The following SLC31A2 variants were observed in gnomAD, a reference collection of about 807,000 sequenced individuals.
SLC31A2 encodes the protein solute carrier family 31 member 2, also known as protein SLC31A2.
Under a neutral mutation model 14.4 loss-of-function variants are expected in SLC31A2, and 16 were observed. The ratio of observed to expected loss-of-function variants is 1.11; its 90% CI spans 0.75 to 1.69. The LOEUF (loss-of-function observed/expected upper bound fraction) is 1.69. Among genes scored for constraint, SLC31A2 ranks in the 40% most tolerant of loss-of-function variants. SLC31A2 has a pLI of 0.00. For synonymous variants in SLC31A2, 56 were observed against 68.7 expected, an observed-to-expected ratio of 0.82 and a Z score of 0.91; for missense variants, 140 against 173.9, an observed-to-expected ratio of 0.81 and a Z score of 1.10.
intron 1 of SLC31A2, chr9:113,156,006 G>A (rs759981588): frequency 1.9e-6 from 1 of 518,588 alleles, no homozygotes; most frequent in Admixed American, 1.9e-5. Context: ...AACATGCAAG[G>A]CCTGTGGTTT....
chr9:113,157,645 C>T, intron 1 of SLC31A2, 82 bp from the exon 2 acceptor site: 1 of 1,170,800 alleles, frequency 8.5e-7, no homozygotes, highest in Non-Finnish European at 1.2e-6. Flanking sequence ...TTCTGGGCTC[C>T]CAGAGGAGGT....
At chr9:113,160,521 T>C (rs1829997778) in intron 2 of SLC31A2, among the ~76,000 whole-genome samples, 3 of 152,228 alleles carry the variant, frequency 2.0e-5, no homozygotes, top group Admixed American at 2.0e-4. Context: ...TTTTGAAATA[T>C]ACAATAAATT....
intron 1 of SLC31A2, among the ~76,000 whole-genome samples, chr9:113,155,831 A>C (rs1012356233): frequency 3.9e-5 from 6 of 152,130 alleles, no homozygotes; most frequent in African/African-American, 1.4e-4. Flanking sequence ...CTTTGTGTGG[A>C]TGGCTTTGCA....
chr9:113,157,868 T>A, intron 2 of SLC31A2, 75 bp downstream of exon 2: 1 of 1,106,358 alleles, frequency 9.0e-7, no homozygotes, highest in South Asian at 1.3e-5. Context: ...TGGGTTCTCT[T>A]GATTCTCTGT....
At chr9:113,152,961 G>C (rs766419029) in intron 1 of SLC31A2, among the ~76,000 whole-genome samples, 19 of 152,206 alleles carry the variant, frequency 1.2e-4, no homozygotes, top group Non-Finnish European at 2.6e-4. Flanking sequence ...CAGAGAAGGG[G>C]TGATGGGTGT....
At chr9:113,157,897 G>A (rs1282332914) in intron 2 of SLC31A2, 104 bp downstream of exon 2, 1 of 825,606 alleles carries the variant, frequency 1.2e-6, no homozygotes. Flanking sequence ...AAGTGAGGCT[G>A]ATTCCTCTGG....
intron 1 of SLC31A2, among the ~76,000 whole-genome samples, chr9:113,152,906 C>T (rs1301860573): frequency 6.6e-6 from 1 of 152,182 alleles, no homozygotes; most frequent in Non-Finnish European, 1.5e-5. Flanking sequence ...ATTAATTAGC[C>T]ACTAGGGACA....
At chr9:113,152,031 G>A (rs1829874018) in intron 1 of SLC31A2, 1 of 152,186 alleles carries the variant, frequency 6.6e-6, no homozygotes, top group African/African-American at 2.4e-5. Flanking sequence ...AAGGGAAATA[G>A]ATGGAAAGCA....
rs1470143591 is a variant in SLC31A2 at position 113,163,968 on chromosome 9, G to GAGTT, written c.*1054_*1057dup. 29 of 152,634 alleles carry GAGTT rather than the reference G, an allele frequency of 1.9e-4. No homozygotes were observed. Among genetic ancestry groups the GAGTT allele is most frequent in the African/African-American group, 6.0e-4 (25 of 41,530 alleles). The allele number at this position is 152,634 out of a possible 1,614,324, so 9.5% of individuals were successfully genotyped here. A position where few individuals can be genotyped will look rare whatever the true frequency, so the allele number is the denominator to read the frequency against. On this transcript the variant is annotated 3_prime_UTR_variant, in exon 4 of 4. Coordinates refer to ENST00000259392, the MANE Select transcript of SLC31A2 (RefSeq NM_001860.3). ...TCCAACCAAAGCCATTACATTTTTT[G>GAGTT]AGTTAGATGGGACTCTCTGGATAGT...
In SLC31A2 at chr9:113,151,729, A is replaced by G. The variant is rs1829869291; in HGVS notation, c.6+649A>G. 1 of 152,186 alleles carries G rather than the reference A, an allele frequency of 6.6e-6. No homozygotes were observed. The highest frequency in any genetic ancestry group is 6.5e-5 in the Admixed American group (1 of 15,282). The allele number at this position is 152,186 out of a possible 1,614,324, so 9.4% of individuals were successfully genotyped here. A position where few individuals can be genotyped will look rare whatever the true frequency, so the allele number is the denominator to read the frequency against. On this transcript the variant is annotated intron_variant, in intron 1 of 3. Transcript: ENST00000259392. This position sits in a 1 kb window ranked among gnomAD's most constrained non-coding sequence, Gnocchi z 4.2. ...GAAGTCATATCATTTTCTTCATCCC[A>G]TGAAGAATGTCATAGAATTTAAGAT...
chr9:113,162,767 T>TG lies in SLC31A2; in HGVS notation c.284dup (p.Gln96ProfsTer94). 6.2e-7 allele frequency: 1 copy of TG among 1,613,176 alleles called. No homozygotes were observed. Among genetic ancestry groups the TG allele is most frequent in the Non-Finnish European group, 8.5e-7 (1 of 1,179,474 alleles). ...TATCTAGGTGGTATTTGTGTCACTTTGGCCAGTCTCTAATCCATGTCATCC... is the reference window on the plus strand; with the variant it reads ...TATCTAGGTGGTATTTGTGTCACTTTGGGCCAGTCTCTAATCCATGTCATCC... On this transcript the variant is annotated frameshift_variant, in exon 4 of 4. Coordinates refer to ENST00000259392, the MANE Select transcript of SLC31A2 (RefSeq NM_001860.3). LOFTEE classifies it high-confidence loss of function.
chr9:113,156,761 T>C (rs141652729), intron 1 of SLC31A2, among the ~76,000 whole-genome samples: 21 of 152,324 alleles, frequency 1.4e-4, no homozygotes, highest in Admixed American at 1.4e-3. Flanking sequence ...TCATTAAGCC[T>C]GGTGTGGGCG....
At chr9:113,160,261 A>AG (rs1829991314) in intron 2 of SLC31A2, among the ~76,000 whole-genome samples, 1 of 151,968 alleles carries the variant, frequency 6.6e-6, no homozygotes, top group South Asian at 2.1e-4. Flanking sequence ...GGCATGTAGG[A>AG]GGGGGTTCAG....
intron 1 of SLC31A2, among the ~76,000 whole-genome samples, chr9:113,153,495 A>T (rs1829896208): frequency 6.6e-6 from 1 of 152,228 alleles, no homozygotes; most frequent in African/African-American, 2.4e-5. Context: ...GAGAACCAGT[A>T]CAGGCTTTCC....
chr9:113,156,261 G>A (rs536608204), intron 1 of SLC31A2: 190 of 418,198 alleles, frequency 4.5e-4, no homozygotes, highest in Non-Finnish European at 4.0e-4. Context: ...AGAGTAACCC[G>A]CTTATAAGGA....
At chr9:113,156,538 A>C (rs746197374) in intron 1 of SLC31A2, among the ~76,000 whole-genome samples, 1 of 152,248 alleles carries the variant, frequency 6.6e-6, no homozygotes, top group Non-Finnish European at 1.5e-5. Flanking sequence ...CTGAGATTCA[A>C]GGATTCTAAT....
intron 1 of SLC31A2, among the ~76,000 whole-genome samples, chr9:113,156,625 C>G (rs1262971389): frequency 6.6e-6 from 1 of 152,216 alleles, no homozygotes; most frequent in Non-Finnish European, 1.5e-5. Context: ...AGCTGGGTAA[C>G]ACTGACAGTG....
At chr9:113,154,216 G>GAA (rs10639571) in intron 1 of SLC31A2, among the ~76,000 whole-genome samples, 85,566 of 151,834 alleles carry the variant, frequency 0.56, 24,347 homozygotes, top group Non-Finnish European at 0.6. Context: ...AAGGTTTCAG[G>GAA]AAGAGTAGAT....
intron 1 of SLC31A2, among the ~76,000 whole-genome samples, chr9:113,152,990 G>A (rs913002451): frequency 2.0e-4 from 30 of 152,194 alleles, no homozygotes; most frequent in African/African-American, 5.8e-4. Context: ...CCTCTACCTG[G>A]CAGAGATGGT....
Sources: gnomAD v4.1 joint callset for allele counts (sites outside exome capture counted in the v4.1 genomes callset) on GRCh38, gnomAD v4.1.1 for gene constraint, Gnocchi (gnomAD v3.1) non-coding constraint, MANE v1.5 for transcripts, NCBI Gene and HGNC (gene_info 2026-07-23, HGNC 2026-07-21) for gene names.